Variants in GABRG3 observed in about 807,000 individuals in gnomAD.
The protein encoded by GABRG3 is gamma-aminobutyric acid type A receptor subunit gamma3, also known as gamma-aminobutyric acid receptor subunit gamma-3.
A neutral mutation model predicts 48.8 loss-of-function variants in GABRG3; 25 were observed. That is an observed-to-expected ratio of 0.51 (90% CI 0.37 to 0.72). The LOEUF (loss-of-function observed/expected upper bound fraction) is 0.72, where lower values mean the gene tolerates loss of function less well. Ranked by LOEUF, GABRG3 falls within the 30% of genes least tolerant of loss-of-function variation. GABRG3 has a pLI of 0.00. For synonymous variants in GABRG3, 227 were observed against 217.6 expected (o/e 1.04, Z -0.38); for missense variants, 394 against 577.9 (o/e 0.68, Z 3.26).
Position 27,538,456 on chromosome 15 carries a change from T to C in GABRG3, c.*5575T>C, listed in dbSNP as rs1169239460. 3 of 152,206 alleles carry C rather than the reference T, an allele frequency of 2.0e-5. No homozygotes were observed. Among genetic ancestry groups the C allele is most frequent in the Non-Finnish European group, 2.9e-5 (2 of 68,038 alleles). The allele number at this position is 152,206 out of a possible 1,614,324, so 9.4% of individuals were successfully genotyped here. On this transcript the variant is annotated 3_prime_UTR_variant, in exon 10 of 10. Transcript: ENST00000615808. Reference sequence around the variant, plus strand: ...ACATGATTTGAATGTAGCATTCAGGTTATTGAGGTGAACGTAAATTGCTTT... The same window carrying C: ...ACATGATTTGAATGTAGCATTCAGGCTATTGAGGTGAACGTAAATTGCTTT...
chr15:27,229,371 A>G lies in GABRG3; in HGVS notation c.271-97438A>G, dbSNP rs116269300. The stretch of plus-strand genomic sequence containing the variant: ...ATGGCTTGTTTTTTTCAGCTTTGTC[A>G]AAGATCAGATGCTATAGATGTGCAG... On this transcript the variant is annotated intron_variant, in intron 3 of 9. Coordinates refer to ENST00000615808, the MANE Select transcript of GABRG3 (RefSeq NM_033223.5). Among the ~76,000 whole-genome samples, 381 of 152,148 alleles carry G rather than the reference A, an allele frequency of 2.5e-3. 1 individual carries two copies. Among genetic ancestry groups the G allele is most frequent in the African/African-American group, 8.6e-3 (355 of 41,518 alleles).
At position 27,464,523 on chromosome 15, in the gene GABRG3, A is replaced by G. The variant is rs368424605; in HGVS notation, c.575-16127A>G. ...GGGTCCTACGGTAACTCTGCATTTA[A>G]TATTTTAGAGAACTGTGAAATGGCT... On this transcript the variant is annotated intron_variant, in intron 5 of 9. Transcript: ENST00000615808. 4.6e-5 allele frequency among the ~76,000 whole-genome samples: 7 copies of G among 152,292 alleles called. No homozygotes were observed. In the East Asian group the frequency reaches 1.4e-3, roughly 29 times the overall value.
At chr15:27,308,311 TATATAAACATACGTTTATATATAAACATA>T (rs1236660698) in intron 3 of GABRG3, among the ~76,000 whole-genome samples, 2 of 129,822 alleles carry the variant, frequency 1.5e-5, no homozygotes, top group Admixed American at 7.8e-5. Flanking sequence ...CATATAAACA[TATATAAACATACGTTTATATATAAACATA>T]ATATAAACAT....
At chr15:27,456,236 G>A (rs1355955372) in intron 5 of GABRG3, among the ~76,000 whole-genome samples, 1 of 152,150 alleles carries the variant, frequency 6.6e-6, no homozygotes, top group African/African-American at 2.4e-5. Flanking sequence ...AGAAACCCAG[G>A]CCTCAAGTCT....
chr15:27,003,679 C>A (rs930901296), intron 2 of GABRG3, among the ~76,000 whole-genome samples: 3 of 152,182 alleles, frequency 2.0e-5, no homozygotes, highest in East Asian at 1.9e-4. Flanking sequence ...ACCTTTCCCC[C>A]CTTTCTATTC....
At chr15:27,351,892 T>G (rs1270755939) in intron 5 of GABRG3, among the ~76,000 whole-genome samples, 1 of 150,652 alleles carries the variant, frequency 6.6e-6, no homozygotes, top group Non-Finnish European at 1.5e-5. Context: ...GATGTGTGTG[T>G]ATGGTGTATG....
intron 3 of GABRG3, among the ~76,000 whole-genome samples, chr15:27,069,236 T>C (rs565388862): frequency 2.9e-4 from 44 of 152,328 alleles, no homozygotes; most frequent in Non-Finnish European, 6.2e-4. Context: ...GGGTTTTATA[T>C]TTGTGAATTT....
At chr15:27,027,053 C>T (rs576583670) in intron 3 of GABRG3, 3 of 427,840 alleles carry the variant, frequency 7.0e-6, no homozygotes, top group Non-Finnish European at 1.2e-5. Flanking sequence ...ATCCAAGAGA[C>T]CTGTCTTTTA....
intron 3 of GABRG3, among the ~76,000 whole-genome samples, chr15:27,051,183 C>T (rs1468343288): frequency 2.0e-5 from 3 of 152,206 alleles, no homozygotes; most frequent in Non-Finnish European, 2.9e-5. Flanking sequence ...AGACAAGCTA[C>T]AATTGTTGAC....
At chr15:27,425,897 G>A (rs1348708257) in intron 5 of GABRG3, among the ~76,000 whole-genome samples, 1 of 152,166 alleles carries the variant, frequency 6.6e-6, no homozygotes, top group African/African-American at 2.4e-5. Context: ...AAACACACAA[G>A]AAAGTGGTTC....
intron 3 of GABRG3, among the ~76,000 whole-genome samples, chr15:27,202,423 C>A (rs1888714854): frequency 6.6e-6 from 1 of 152,162 alleles, no homozygotes; most frequent in Admixed American, 6.5e-5. Flanking sequence ...TATTATGTGT[C>A]TCTGTAGAAG....
intron 5 of GABRG3, among the ~76,000 whole-genome samples, chr15:27,390,565 G>A (rs1896189752): frequency 6.6e-6 from 1 of 152,196 alleles, no homozygotes; most frequent in African/African-American, 2.4e-5. Context: ...GTCAGGGCAA[G>A]CCCAGGGAGC....
chr15:27,254,072 C>CT (rs772786493), intron 3 of GABRG3, among the ~76,000 whole-genome samples: 1 of 152,206 alleles, frequency 6.6e-6, no homozygotes, highest in Non-Finnish European at 1.5e-5. Context: ...TGAAGAGTCT[C>CT]TGAGTTTCTT....
At chr15:27,396,466 A>AT in intron 5 of GABRG3, among the ~76,000 whole-genome samples, 1 of 152,376 alleles carries the variant, frequency 6.6e-6, no homozygotes, top group Middle Eastern at 3.4e-3. Flanking sequence ...ATACGCACCT[A>AT]TTAGAATGTC....
At chr15:27,322,745 C>A (rs187211069) in intron 3 of GABRG3, among the ~76,000 whole-genome samples, 57 of 152,274 alleles carry the variant, frequency 3.7e-4, no homozygotes, top group African/African-American at 1.3e-3. Context: ...TTCTTCTACA[C>A]GCCCCGAGTC....
chr15:27,200,811 G>A (rs1021184970), intron 3 of GABRG3, among the ~76,000 whole-genome samples: 6 of 152,140 alleles, frequency 3.9e-5, no homozygotes, highest in African/African-American at 1.2e-4. Flanking sequence ...TGTGCTACCC[G>A]TGGGTTACAG....
At chr15:27,287,972 C>T (rs1266464143) in intron 3 of GABRG3, among the ~76,000 whole-genome samples, 2 of 152,054 alleles carry the variant, frequency 1.3e-5, no homozygotes, top group Non-Finnish European at 2.9e-5. Flanking sequence ...CTCCTGACCT[C>T]GTGATCTGCC....
rs1892629240 is a variant in GABRG3 at position 27,307,367 on chromosome 15, A to AGG, written c.271-19442_271-19441insGG. Among the ~76,000 whole-genome samples, 3 of 18,062 alleles carry AGG rather than the reference A, an allele frequency of 1.7e-4. 1 individual carries two copies. In the South Asian group the frequency reaches 2.4e-3, roughly 15 times the overall value. The allele number at this position is 18,062 out of a possible 152,430, so 11.8% of individuals were successfully genotyped here. On this transcript the variant is annotated intron_variant, in intron 3 of 9. Coordinates refer to ENST00000615808, the MANE Select transcript of GABRG3 (RefSeq NM_033223.5). ...TTTATATATGTTTATATATAACCAT[A>AGG]TAGGTTTATATATTTATATATAACC...
rs1353419300 is a variant in GABRG3 at position 27,530,786 on chromosome 15, A to G, written c.1123-1814A>G. ...CTCCTCTGTGTCTCCGGTAGCTCCC[A>G]GTTCCATCCACATAGCAAGGGACTA... On this transcript the variant is annotated intron_variant, in intron 9 of 9. Coordinates refer to ENST00000615808, the MANE Select transcript of GABRG3 (RefSeq NM_033223.5). The G allele has an allele frequency of 8.6e-6, 4 of 463,386 alleles. No individual in the cohort carries two copies. The East Asian group carries it at 2.8e-4, about 32-fold the overall frequency. 28.7% of individuals were successfully genotyped at this position (463,386 alleles called of 1,614,324 possible).
Sources: allele counts gnomAD v4.1 joint callset (sites outside exome capture counted in the v4.1 genomes callset), GRCh38; gene constraint gnomAD v4.1.1; transcripts MANE v1.5; gene names NCBI Gene and HGNC (gene_info 2026-07-23, HGNC 2026-07-21).